The following NTN1 variants were observed in gnomAD, a reference collection of about 807,000 sequenced individuals.
NTN1 encodes the protein netrin 1, also known as netrin-1.
Under a neutral mutation model 54.2 loss-of-function variants are expected in NTN1, and 11 were observed. That is an observed-to-expected ratio of 0.20 (90% confidence interval 0.13 to 0.34). The LOEUF (loss-of-function observed/expected upper bound fraction) is 0.34. Ranked by LOEUF, NTN1 falls within the 10% of genes least tolerant of loss-of-function variation. The pLI, the probability that NTN1 is intolerant of heterozygous loss-of-function variation, is 1.00. For missense variants in NTN1, 740 were observed against 893.1 expected (o/e 0.83, Z 2.18); for synonymous variants, 371 against 382.0 (o/e 0.97, Z 0.33).
chr17:9,003,700 C>A, the NTN1 span, among the ~76,000 whole-genome samples: 130 of 152,138 alleles, frequency 8.5e-4, no homozygotes, highest in Middle Eastern at 3.4e-3. The surrounding 1 kb of genome is among the most constrained non-coding windows in gnomAD (Gnocchi z 7.4). Context: ...CCCGGTGCCC[C>A]GGCCCCGGCG....
chr17:9,033,174 G>A (rs531737520), intron 2 of NTN1, among the ~76,000 whole-genome samples: 2 of 151,994 alleles, frequency 1.3e-5, no homozygotes, highest in East Asian at 1.9e-4. Context: ...GGCTCGTCTC[G>A]AACTCCTGAC....
At chr17:9,222,201 C>T (rs987849378) in intron 6 of NTN1, among the ~76,000 whole-genome samples, 1 of 152,220 alleles carries the variant, frequency 6.6e-6, no homozygotes. Flanking sequence ...CAATTCTGGG[C>T]CCACGAAAGT....
intron 2 of NTN1, among the ~76,000 whole-genome samples, chr17:9,035,203 C>T (rs2091899950): frequency 6.6e-6 from 1 of 152,202 alleles, no homozygotes; most frequent in Admixed American, 6.5e-5. Flanking sequence ...GCCTCAGCCT[C>T]CCAAAGTGCT....
intron 5 of NTN1, among the ~76,000 whole-genome samples, chr17:9,191,185 G>T (rs1904445737): frequency 6.6e-6 from 1 of 152,208 alleles, no homozygotes; most frequent in African/African-American, 2.4e-5. Flanking sequence ...GCGGAGCCGG[G>T]CGTGGTGGCT....
rs116390445 is a variant in NTN1, at chr17:9,068,981, G to A, written c.1018+45590G>A. On this transcript the variant is annotated intron_variant, in intron 2 of 6. Coordinates refer to ENST00000173229, the MANE Select transcript of NTN1 (RefSeq NM_004822.3). Reference sequence around the variant, plus strand: ...ACCCACGGCTCTCTTCCCAGCTGGTGCCTTGCACTCAGCATGCATCCACCC... The same window carrying A: ...ACCCACGGCTCTCTTCCCAGCTGGTACCTTGCACTCAGCATGCATCCACCC... 7.6e-3 allele frequency among the ~76,000 whole-genome samples: 1,153 copies of A among 152,174 alleles called. 21 individuals are homozygous for A. Among genetic ancestry groups the A allele is most frequent in the African/African-American group, 0.026 (1,092 of 41,484 alleles).
chr17:9,142,684 G>T (rs7223324), intron 2 of NTN1, among the ~76,000 whole-genome samples: 295 of 152,196 alleles, frequency 1.9e-3, no homozygotes, highest in African/African-American at 6.6e-3. Context: ...TGTACTATGT[G>T]CCAGGCATGT....
chr17:9,225,684 G>C (rs1253815112), intron 6 of NTN1, among the ~76,000 whole-genome samples: 1 of 150,030 alleles, frequency 6.7e-6, no homozygotes, highest in African/African-American at 2.5e-5. Context: ...TCTGGCCTGG[G>C]GATGAGAGAG....
intron 3 of NTN1, among the ~76,000 whole-genome samples, chr17:9,179,508 G>A (rs536101856): frequency 2.6e-5 from 4 of 152,334 alleles, no homozygotes; most frequent in African/African-American, 4.8e-5. Flanking sequence ...CTGCCTTCCC[G>A]AGAAGGTATT....
chr17:9,236,128 G>GC (rs1015596875), intron 6 of NTN1, among the ~76,000 whole-genome samples: 11 of 104,536 alleles, frequency 1.1e-4, no homozygotes, highest in African/African-American at 3.1e-4. Flanking sequence ...AGAATTTGGG[G>GC]GGGGGGGTAC....
intron 2 of NTN1, among the ~76,000 whole-genome samples, chr17:9,140,208 T>C (rs2092293689): frequency 1.3e-5 from 2 of 152,106 alleles, no homozygotes; most frequent in Non-Finnish European, 2.9e-5. Flanking sequence ...CGTCGGGTGG[T>C]GTGAGCTGTG....
chr17:9,213,839 C>G (rs562928840), intron 5 of NTN1, among the ~76,000 whole-genome samples: 27 of 152,296 alleles, frequency 1.8e-4, no homozygotes, highest in African/African-American at 6.5e-4. Flanking sequence ...ATGTCTCTTA[C>G]TCAGTTTAAT....
At chr17:9,080,492 T>C (rs1052872753) in intron 2 of NTN1, among the ~76,000 whole-genome samples, 1 of 152,256 alleles carries the variant, frequency 6.6e-6, no homozygotes, top group African/African-American at 2.4e-5. Flanking sequence ...CATTGTAATA[T>C]TGCGAAATGT....
At chr17:9,089,882 AC>A (rs2092104188) in intron 2 of NTN1, among the ~76,000 whole-genome samples, 1 of 152,138 alleles carries the variant, frequency 6.6e-6, no homozygotes, top group African/African-American at 2.4e-5. Flanking sequence ...GAGTGGCCAA[AC>A]AAACTTTTTT....
intron 2 of NTN1, among the ~76,000 whole-genome samples, chr17:9,111,513 C>T (rs2092190595): frequency 6.6e-6 from 1 of 151,934 alleles, no homozygotes; most frequent in South Asian, 2.1e-4. Context: ...GCACAGTTCC[C>T]CCAGAGAGGA....
At chr17:9,017,454 G>A (rs1179158989), upstream of NTN1, among the ~76,000 whole-genome samples, 8 of 152,132 alleles carry the variant, frequency 5.3e-5, no homozygotes, top group Admixed American at 2.6e-4. Flanking sequence ...ACACTGCTCA[G>A]CACCCCTCCT....
intron 6 of NTN1, among the ~76,000 whole-genome samples, chr17:9,228,174 G>A (rs2057802397): frequency 6.6e-6 from 1 of 152,142 alleles, no homozygotes; most frequent in African/African-American, 2.4e-5. Context: ...CCTGAGGTGG[G>A]CACACACACG....
intron 2 of NTN1, among the ~76,000 whole-genome samples, chr17:9,123,892 C>A (rs566204167): frequency 2.6e-5 from 4 of 152,176 alleles, no homozygotes; most frequent in Admixed American, 6.5e-5. Flanking sequence ...AAGGGTTATT[C>A]ATGTTGTTGT....
chr17:9,134,612 G>A (rs2092275520), intron 2 of NTN1, among the ~76,000 whole-genome samples: 1 of 152,218 alleles, frequency 6.6e-6, no homozygotes, highest in Non-Finnish European at 1.5e-5. Flanking sequence ...TGCAGCCGGG[G>A]CAGAGAACCA....
intron 6 of NTN1, among the ~76,000 whole-genome samples, chr17:9,235,387 G>GC (rs373639144): frequency 2.0e-5 from 3 of 152,186 alleles, no homozygotes; most frequent in East Asian, 1.9e-4. Flanking sequence ...CCTCAGCAGA[G>GC]CCCCCCTGTT....
Sources: allele counts gnomAD v4.1 joint callset (sites outside exome capture counted in the v4.1 genomes callset), GRCh38; gene constraint gnomAD v4.1.1; non-coding constraint Gnocchi (gnomAD v3.1); transcripts MANE v1.5; gene names NCBI Gene and HGNC (gene_info 2026-07-23, HGNC 2026-07-21).